SSH2: variants seen among roughly 807,000 people sequenced by gnomAD.
SSH2 encodes the protein protein phosphatase Slingshot homolog 2.
SSH2 carries 37 observed loss-of-function variants against 135.2 expected under a neutral mutation model. The ratio of observed to expected loss-of-function variants is 0.27; its 90% CI spans 0.21 to 0.36. SSH2 has a LOEUF of 0.36. Ranked by LOEUF, SSH2 falls within the 10% of genes least tolerant of loss-of-function variation. SSH2 has a pLI of 1.00. For synonymous variants in SSH2, 628 were observed against 646.2 expected, an observed-to-expected ratio of 0.97 and a Z score of 0.43; for missense variants, 1,408 against 1,765.3, an observed-to-expected ratio of 0.80 and a Z score of 3.63.
intron 3 of SSH2, among the ~76,000 whole-genome samples, chr17:29,732,312 G>T (rs1170094846): frequency 6.6e-6 from 1 of 152,096 alleles, no homozygotes; most frequent in East Asian, 1.9e-4. Context: ...TTATTCTAAA[G>T]AACATAAGGT....
chr17:29,929,819 G>A (rs1456554000), intron 1 of SSH2, 119 bp downstream of exon 1: 1 of 909,070 alleles, frequency 1.1e-6, no homozygotes. Flanking sequence ...CGCGGCAGCC[G>A]AGTGCCAAGG....
rs1214564457 is a variant in SSH2 at position 29,715,901 on chromosome 17, C to T, written c.189-12839G>A. 5.9e-5 allele frequency among the ~76,000 whole-genome samples: 9 copies of T among 152,302 alleles called. No individual in the cohort carries two copies. The East Asian group carries it at 1.7e-3, about 29-fold the overall frequency. On this transcript the variant is annotated intron_variant, in intron 3 of 15. Coordinates refer to ENST00000540801, the MANE Select transcript of SSH2 (RefSeq NM_001282129.2). ...ACTTAACACCTCTGGACAGCTCCCT[C>T]TCCTACTCCTTTCCACTGTTATTCC...
At position 29,683,743 on chromosome 17, in the gene SSH2, A is replaced by G. The variant is rs370182893; in HGVS notation, c.479+820T>C. Among the ~76,000 whole-genome samples the G allele has an allele frequency of 1.6e-4, 25 of 152,008 alleles. No homozygotes were observed. In the East Asian group the frequency reaches 4.4e-3, roughly 27 times the overall value. On this transcript the variant is annotated intron_variant, in intron 6 of 15. Transcript: ENST00000540801. ...AGAATTCAAGACCAGCCTGGCCAAC[A>G]TAAGGAAATCTTCTCTCCAGAAAAA...
chr17:29,736,374 T>C (rs957401911), intron 3 of SSH2, among the ~76,000 whole-genome samples: 3 of 152,206 alleles, frequency 2.0e-5, no homozygotes, highest in Non-Finnish European at 2.9e-5. Flanking sequence ...TAAGATCTTA[T>C]GCAGAAAGTG....
chr17:29,856,977 C>T (rs541847248), intron 1 of SSH2, among the ~76,000 whole-genome samples: 17 of 152,290 alleles, frequency 1.1e-4, no homozygotes, highest in African/African-American at 3.6e-4. Flanking sequence ...CACAACATGT[C>T]GGAATTCAAG....
chr17:29,921,638 G>A (rs756896842), intron 1 of SSH2, among the ~76,000 whole-genome samples: 6 of 151,642 alleles, frequency 4.0e-5, no homozygotes, highest in Admixed American at 1.3e-4. Context: ...GTGCTATGGC[G>A]AGGTCTTGGC....
rs1202582723 is a variant in SSH2, at chr17:29,632,577, C to T, written c.2617G>A (p.Gly873Arg). ...ADLEEGEPAEGEQELQGSGMH... is the reference protein window; with the variant it reads ...ADLEEGEPAEREQELQGSGMH... ...CCTGAGCCCTGGAGCTCTTGTTCCC[C>T]CTCAGCTGGTTCCCCTTCTTCCAAG... is the stretch of plus-strand genomic sequence containing the variant. The change falls in exon 16 of 16, where the codon GGG (glycine) becomes AGG (arginine). Residue 873 changes from glycine (G) to arginine (R), a missense_variant. Physicochemically the swap from Gly to Arg is moderately radical, Grantham distance 125. Coordinates refer to ENST00000540801, the MANE Select transcript of SSH2 (RefSeq NM_001282129.2). The T allele has an allele frequency of 6.2e-7, 1 of 1,614,212 alleles. No individual in the cohort carries two copies. Among genetic ancestry groups the T allele is most frequent in the Non-Finnish European group, 8.5e-7 (1 of 1,180,040 alleles).
At chr17:29,656,290 C>A (rs532414074) in intron 11 of SSH2, among the ~76,000 whole-genome samples, 1 of 152,198 alleles carries the variant, frequency 6.6e-6, no homozygotes, top group Non-Finnish European at 1.5e-5. Flanking sequence ...AATTCTCCTG[C>A]CTCAGCCTCC....
intron 2 of SSH2, among the ~76,000 whole-genome samples, chr17:29,823,251 A>G (rs187520999): frequency 5.2e-4 from 79 of 152,348 alleles, no homozygotes; most frequent in African/African-American, 1.8e-3. Flanking sequence ...TTAAAAACAT[A>G]TGAGGCATTG....
intron 2 of SSH2, among the ~76,000 whole-genome samples, chr17:29,824,855 C>T (rs1015158581): frequency 1.3e-5 from 2 of 152,178 alleles, no homozygotes; most frequent in Non-Finnish European, 2.9e-5. Context: ...AGGGAACCAT[C>T]CTTTTGTATT....
chr17:29,919,391 C>T (rs1368468463), intron 1 of SSH2, among the ~76,000 whole-genome samples: 1 of 152,146 alleles, frequency 6.6e-6, no homozygotes, highest in Non-Finnish European at 1.5e-5. Flanking sequence ...AACCATGGGA[C>T]CTTTCATTAC....
chr17:29,803,667 G>T (rs1345359661), intron 2 of SSH2, among the ~76,000 whole-genome samples: 1 of 152,074 alleles, frequency 6.6e-6, no homozygotes, highest in Non-Finnish European at 1.5e-5. Context: ...GCCATCTTTC[G>T]ACCCTGGTGA....
At chr17:29,693,864 G>C (rs1016032389) in intron 5 of SSH2, among the ~76,000 whole-genome samples, 1 of 152,062 alleles carries the variant, frequency 6.6e-6, no homozygotes, top group East Asian at 1.9e-4. Context: ...TCTCTATTCT[G>C]TATTAGCTTC....
At chr17:29,674,496 T>A (rs1311113882) in intron 8 of SSH2, among the ~76,000 whole-genome samples, 1 of 152,206 alleles carries the variant, frequency 6.6e-6, no homozygotes, top group African/African-American at 2.4e-5. Flanking sequence ...CCACCTCAGA[T>A]ACTCCAGCTG....
chr17:29,923,487 T>A (rs1192627720), intron 1 of SSH2, among the ~76,000 whole-genome samples: 1 of 151,448 alleles, frequency 6.6e-6, no homozygotes, highest in Non-Finnish European at 1.5e-5. Context: ...GGCATGGTGG[T>A]GCATATCTAT....
intron 3 of SSH2, among the ~76,000 whole-genome samples, chr17:29,765,553 T>C (rs546504892): frequency 3.9e-5 from 6 of 152,332 alleles, no homozygotes; most frequent in African/African-American, 1.2e-4. Flanking sequence ...TATGCTCTTT[T>C]CCACAAATCT....
At chr17:29,928,493 A>G in intron 1 of SSH2, 1 of 398,510 alleles carries the variant, frequency 2.5e-6, no homozygotes, top group Non-Finnish European at 4.4e-6. Flanking sequence ...TGCACTCACT[A>G]TTTTGCAAGG....
Position 29,930,007 on chromosome 17 carries a change from G to C in SSH2, c.-7C>G, listed in dbSNP as rs771182861. ...GGACCGTGACCAAAGCCATCTAGGC[G>C]CTGCTGGGTTGTTCCGGGCAGGGCA... On this transcript the variant is annotated 5_prime_UTR_variant, in exon 1 of 16. Transcript: ENST00000540801. The C allele has an allele frequency of 5.6e-6, 9 of 1,596,972 alleles. No homozygotes were observed. Among genetic ancestry groups the C allele is most frequent in the Non-Finnish European group, 1.7e-6 (2 of 1,172,386 alleles).
At chr17:29,847,384 C>G (rs1050973771) in intron 2 of SSH2, among the ~76,000 whole-genome samples, 1 of 152,146 alleles carries the variant, frequency 6.6e-6, no homozygotes, top group Non-Finnish European at 1.5e-5. Flanking sequence ...AGGGCAGAGA[C>G]CAGGGCCTCT....
Sources: allele counts gnomAD v4.1 joint callset (sites outside exome capture counted in the v4.1 genomes callset), GRCh38; gene constraint gnomAD v4.1.1; transcripts MANE v1.5; gene names NCBI Gene and HGNC (gene_info 2026-07-23, HGNC 2026-07-21).